Variants in TOMM20L observed in about 807,000 individuals in gnomAD.
TOMM20L encodes the protein TOMM20-like protein 1.
TOMM20L carries 19 observed loss-of-function variants against 20.4 expected under a neutral mutation model. That is an observed-to-expected ratio of 0.93 (90% CI 0.65 to 1.36). TOMM20L has a LOEUF of 1.36. TOMM20L is among the 40% of genes most tolerant of loss of function. TOMM20L has a pLI of 0.00. For synonymous variants in TOMM20L, 75 were observed against 79.6 expected (o/e 0.94, Z 0.30); for missense variants, 218 against 203.7 (o/e 1.07, Z -0.43).
Position 58,404,131 on chromosome 14 carries a change from TTTTTTTTTTTTTTTTG to T in TOMM20L, c.262+1371_262+1386del. On this transcript the variant is annotated intron_variant, in intron 3 of 4. Transcript: ENST00000360945. The stretch of plus-strand genomic sequence containing the variant: ...TATATATATATATATTTTTTTTTTT[TTTTTTTTTTTTTTTTG>T]GAGACGGAGTCTCGCTCTGTCGCCC... Among the ~76,000 whole-genome samples, 3 of 4,998 alleles carry T rather than the reference TTTTTTTTTTTTTTTTG, an allele frequency of 6.0e-4. 1 individual carries two copies. Among genetic ancestry groups the T allele is most frequent in the South Asian group, 0.026 (2 of 76 alleles). 3.3% of individuals were successfully genotyped at this position (4,998 alleles called of 152,430 possible). A position where few individuals can be genotyped will look rare whatever the true frequency, so the allele number is the denominator to read the frequency against.
chr14:58,395,952 G>A lies in TOMM20L; in HGVS notation c.-6G>A, dbSNP rs568204751. On this transcript the variant is annotated 5_prime_UTR_variant, in exon 1 of 5. Transcript: ENST00000360945. ...AACGCTCGGCTTGTGGGACGCCCGC[G>A]GTCGGATGCCCTCCGTCCGCTCCCT... 7.2e-7 allele frequency: 1 copy of A among 1,395,340 alleles called. No homozygotes were observed. Among genetic ancestry groups the A allele is most frequent in the Non-Finnish European group, 9.4e-7 (1 of 1,068,988 alleles). The allele number at this position is 1,395,340 out of a possible 1,614,324, so 86.4% of individuals were successfully genotyped here.
At chr14:58,411,680 A>C (rs2036221576), downstream of TOMM20L, among the ~76,000 whole-genome samples, 2 of 151,748 alleles carry the variant, frequency 1.3e-5, no homozygotes, top group South Asian at 4.2e-4. Flanking sequence ...CTGGGACTAG[A>C]GGTGTGCGCC....
At chr14:58,401,901 T>C (rs1366346005) in intron 2 of TOMM20L, among the ~76,000 whole-genome samples, 1 of 152,174 alleles carries the variant, frequency 6.6e-6, no homozygotes, top group African/African-American at 2.4e-5. Context: ...TACAGAAGGC[T>C]TAGCATAGTT....
chr14:58,411,987 A>C (rs769966758), downstream of TOMM20L: 3 of 1,592,698 alleles, frequency 1.9e-6, no homozygotes, highest in Non-Finnish European at 1.7e-6. Context: ...TTAAAAATTC[A>C]AAACAAGTTT....
downstream of TOMM20L, among the ~76,000 whole-genome samples, chr14:58,411,457 A>AT (rs1428322931): frequency 3.4e-4 from 52 of 151,920 alleles, no homozygotes; most frequent in Non-Finnish European, 5.9e-4. Context: ...AAAAAAAAAA[A>AT]GAACAAGAAA....
intron 2 of TOMM20L, among the ~76,000 whole-genome samples, chr14:58,401,082 G>T (rs928498208): frequency 1.1e-4 from 16 of 152,136 alleles, no homozygotes; most frequent in Admixed American, 1.0e-3. Context: ...GAGGACATTG[G>T]ACTTCGTCTT....
intron 2 of TOMM20L, among the ~76,000 whole-genome samples, chr14:58,399,885 C>CATATATATATATATAT (rs869260438): frequency 5.4e-5 from 2 of 37,302 alleles, no homozygotes; most frequent in Non-Finnish European, 9.3e-5. Context: ...TGCTCTATTG[C>CATATATATATATATAT]ATATATATAT....
chr14:58,414,823 A>G, the TOMM20L span, among the ~76,000 whole-genome samples: 1 of 152,268 alleles, frequency 6.6e-6, no homozygotes, highest in African/African-American at 2.4e-5. Context: ...TCGTATGCAC[A>G]GAAAAGCCTC....
chr14:58,407,388 G>A lies in TOMM20L; in HGVS notation c.325G>A (p.Glu109Lys). Residue 109 changes from glutamate to lysine, a missense_variant, in exon 4 of 5, where the codon GAA becomes AAA. By Grantham distance (56) the Glu-to-Lys change is moderately conservative (BLOSUM62 1). Coordinates refer to ENST00000360945, the MANE Select transcript of TOMM20L (RefSeq NM_207377.3). ...CCTTTTAGTGTGCGAGCAACCACGGGAACTTCTGAAAGTTTTCAAACACAC... is the reference window on the plus strand; with the variant it reads ...CCTTTTAGTGTGCGAGCAACCACGGAAACTTCTGAAAGTTTTCAAACACAC... ...NALLVCEQPR[E>K]LLKVFKHTLP... 1 of 1,613,710 alleles carries A rather than the reference G, an allele frequency of 6.2e-7. No homozygotes were observed. The highest frequency in any genetic ancestry group is 1.1e-5 in the South Asian group (1 of 91,050).
intron 3 of TOMM20L, among the ~76,000 whole-genome samples, chr14:58,405,215 G>A (rs1293144355): frequency 3.9e-5 from 6 of 152,064 alleles, no homozygotes; most frequent in African/African-American, 1.2e-4. Context: ...TGATCCACCC[G>A]CCTTGGCCTC....
Position 58,407,417 on chromosome 14 carries a change from C to T in TOMM20L, c.354C>T (p.Leu118=), listed in dbSNP as rs1480605291. Residue 118 remains leucine, a synonymous_variant, in exon 4 of 5, where the codon CTC becomes CTT. Transcript: ENST00000360945. ...TTCTGAAAGTTTTCAAACACACTCT[C>T]CCTCCCAAGGTATTTGAGATGCTGT... is the stretch of plus-strand genomic sequence containing the variant. ...RELLKVFKHT[L]PPKVFEMLLH... is the part of the protein sequence containing the mutation. 4 of 1,613,824 alleles carry T rather than the reference C, an allele frequency of 2.5e-6. No individual in the cohort carries two copies. In the Admixed American group the frequency reaches 6.7e-5, roughly 27 times the overall value.
At chr14:58,411,426 C>T (rs1173699025), downstream of TOMM20L, among the ~76,000 whole-genome samples, 3 of 149,652 alleles carry the variant, frequency 2.0e-5, 1 homozygote, top group South Asian at 4.2e-4. Flanking sequence ...CCAGCCTGGC[C>T]GACAAAGAGA....
chr14:58,406,622 C>T (rs2036061308), intron 3 of TOMM20L, among the ~76,000 whole-genome samples: 1 of 152,212 alleles, frequency 6.6e-6, no homozygotes, highest in African/African-American at 2.4e-5. Context: ...CATTAATCAG[C>T]ATTGAAACTA....
the TOMM20L span, among the ~76,000 whole-genome samples, chr14:58,414,050 T>C: frequency 1.8e-5 from 1 of 55,042 alleles, no homozygotes; most frequent in African/African-American, 6.7e-5. Context: ...TTGTATAAAA[T>C]AAAGCTGTTT....
At chr14:58,402,247 A>G (rs554168795) in intron 2 of TOMM20L, among the ~76,000 whole-genome samples, 1 of 152,162 alleles carries the variant, frequency 6.6e-6, no homozygotes, top group East Asian at 1.9e-4. Flanking sequence ...CATTTGTCAT[A>G]CTTTGGATTT....
downstream of TOMM20L, among the ~76,000 whole-genome samples, chr14:58,410,405 G>A (rs555087141): frequency 9.3e-5 from 14 of 151,052 alleles, no homozygotes; most frequent in East Asian, 7.7e-4. Context: ...GTAACAGAGC[G>A]AGACCCTGTC....
chr14:58,407,457 C>T lies in TOMM20L; in HGVS notation c.394C>T (p.Leu132Phe), dbSNP rs754408916. The T allele has an allele frequency of 1.9e-6, 3 of 1,611,868 alleles. No homozygotes were observed. The highest frequency in any genetic ancestry group is 2.5e-6 in the Non-Finnish European group (3 of 1,179,390). The change falls in exon 4 of 5, where the codon CTT becomes TTT. Residue 132 changes from leucine to phenylalanine, a missense_variant. Transcript: ENST00000360945. The stretch of plus-strand genomic sequence containing the variant: ...TGAGATGCTGTTGCACAAAATTCCC[C>T]TTATTTGCCAGGTGAGCACATATTT... ...VFEMLLHKIP[L>F]ICQQFEADMN...
At chr14:58,406,477 T>C (rs2036058889) in intron 3 of TOMM20L, among the ~76,000 whole-genome samples, 1 of 152,334 alleles carries the variant, frequency 6.6e-6, no homozygotes, top group Non-Finnish European at 1.5e-5. Flanking sequence ...TACTTACCTG[T>C]AGGGCCATAT....
chr14:58,406,977 G>A (rs959327870), intron 3 of TOMM20L, among the ~76,000 whole-genome samples: 1 of 152,096 alleles, frequency 6.6e-6, no homozygotes, highest in Non-Finnish European at 1.5e-5. Context: ...CACATGTAAA[G>A]ATAACCTATC....
Sources: allele counts gnomAD v4.1 joint callset (sites outside exome capture counted in the v4.1 genomes callset), GRCh38; gene constraint gnomAD v4.1.1; transcripts MANE v1.5; gene names NCBI Gene and HGNC (gene_info 2026-07-23, HGNC 2026-07-21).